Variants in PLCL1 observed in about 807,000 individuals in gnomAD.
PLCL1 encodes phospholipase C like 1 (inactive), also known as inactive phospholipase C-like protein 1.
A neutral mutation model predicts 84.4 loss-of-function variants in PLCL1; 41 were observed. The ratio of observed to expected loss-of-function variants is 0.49; its 90% CI spans 0.38 to 0.63. The LOEUF is 0.63. PLCL1 is among the 30% of genes least tolerant of loss of function. The probability of loss-of-function intolerance (pLI) is 0.00; values close to 1 mark genes in which losing one functional copy is unlikely to be tolerated. For missense variants in PLCL1, 1,206 were observed against 1,367.8 expected (o/e 0.88, Z 1.87); for synonymous variants, 490 against 488.3 (o/e 1.00, Z -0.05).
intron 1 of PLCL1, among the ~76,000 whole-genome samples, chr2:197,906,543 TGG>T (rs1688385874): frequency 6.6e-6 from 1 of 152,114 alleles, no homozygotes; most frequent in Non-Finnish European, 1.5e-5. Context: ...TTGGCTATAC[TGG>T]CTCTTCTTTG....
chr2:198,033,384 C>T (rs556393976), intron 1 of PLCL1, among the ~76,000 whole-genome samples: 4 of 152,242 alleles, frequency 2.6e-5, no homozygotes, highest in Non-Finnish European at 4.4e-5. Flanking sequence ...TGGAGGGAAC[C>T]CAGACAGCAA....
chr2:198,085,288 A>G lies in PLCL1; in HGVS notation c.1771A>G (p.Ile591Val), dbSNP rs1231020014. 15 of 1,613,788 alleles carry G rather than the reference A, an allele frequency of 9.3e-6. No individual in the cohort carries two copies. The highest frequency in any genetic ancestry group is 1.7e-5 in the Admixed American group (1 of 59,994). ...TAGGGAGCTCTCTGATTTGGTGTCT[A>G]TTTGTAAATCTGTTCAATACAGGGA... Reference protein sequence around the residue: ...LCRELSDLVSICKSVQYRDFE... With the variant: ...LCRELSDLVSVCKSVQYRDFE... The change falls in exon 2 of 6, where the codon ATT (isoleucine) becomes GTT (valine). Residue 591 changes from isoleucine to valine, a missense_variant. Physicochemically the swap from Ile to Val is conservative, Grantham distance 29. Coordinates refer to ENST00000428675, the MANE Select transcript of PLCL1 (RefSeq NM_006226.4). This position sits in a 1 kb window ranked among gnomAD's most constrained non-coding sequence, Gnocchi z 5.3.
chr2:198,073,907 G>GT (rs1692519596), intron 1 of PLCL1, among the ~76,000 whole-genome samples: 1 of 152,104 alleles, frequency 6.6e-6, no homozygotes, highest in Non-Finnish European at 1.5e-5. Context: ...ATAGAATTAG[G>GT]TTTTTTAAAA....
chr2:198,087,239 A>C (rs1380212223), intron 2 of PLCL1, among the ~76,000 whole-genome samples: 1 of 152,164 alleles, frequency 6.6e-6, no homozygotes, highest in Non-Finnish European at 1.5e-5. Context: ...ACTTATCGCA[A>C]AATTATTATT....
Position 198,040,855 on chromosome 2 carries a change from A to G in PLCL1, c.241-42903A>G, listed in dbSNP as rs147020814. Among the ~76,000 whole-genome samples the G allele has an allele frequency of 4.6e-5, 7 of 152,326 alleles. 1 individual carries two copies. The highest frequency in any genetic ancestry group is 2.1e-4 in the South Asian group (1 of 4,822). On this transcript the variant is annotated intron_variant, in intron 1 of 5. Coordinates refer to ENST00000428675, the MANE Select transcript of PLCL1 (RefSeq NM_006226.4). ...CATGTAGAAACTGATAGATGAAACA[A>G]TACATTTACCCAAATATGTGAACCA...
At chr2:197,819,884 A>AG (rs1690780330) in intron 1 of PLCL1, among the ~76,000 whole-genome samples, 1 of 140,572 alleles carries the variant, frequency 7.1e-6, no homozygotes, top group African/African-American at 2.6e-5. Flanking sequence ...ACTATTATGC[A>AG]TGTGTGTGTG....
chr2:197,895,706 C>T lies in PLCL1; in HGVS notation c.240+90367C>T, dbSNP rs1688121589. On this transcript the variant is annotated intron_variant, in intron 1 of 5. Coordinates refer to ENST00000428675, the MANE Select transcript of PLCL1 (RefSeq NM_006226.4). ...TAAGTTGGATCTTGCCATACTAGGGCCATTTGTGTTTATTAGAAGCAAAAT... is the reference window on the plus strand; with the variant it reads ...TAAGTTGGATCTTGCCATACTAGGGTCATTTGTGTTTATTAGAAGCAAAAT... Among the ~76,000 whole-genome samples, 4 of 151,786 alleles carry T rather than the reference C, an allele frequency of 2.6e-5. 1 individual carries two copies. In the South Asian group the frequency reaches 8.3e-4, roughly 31 times the overall value.
At chr2:197,907,022 G>A (rs1688398046) in intron 1 of PLCL1, among the ~76,000 whole-genome samples, 1 of 152,074 alleles carries the variant, frequency 6.6e-6, no homozygotes, top group Non-Finnish European at 1.5e-5. Context: ...GAGACAGAGA[G>A]ACATGGAACA....
intron 1 of PLCL1, among the ~76,000 whole-genome samples, chr2:198,024,636 G>A (rs957650347): frequency 2.6e-5 from 4 of 152,032 alleles, no homozygotes; most frequent in Non-Finnish European, 5.9e-5. Flanking sequence ...GGTGACACAT[G>A]CCTGTGATCC....
intron 2 of PLCL1, among the ~76,000 whole-genome samples, chr2:198,087,887 C>A (rs998247808): frequency 1.3e-5 from 2 of 152,134 alleles, no homozygotes; most frequent in African/African-American, 4.8e-5. Flanking sequence ...TTTCCATTAT[C>A]ATTCATGTGC....
chr2:198,040,236 T>G (rs554089962), intron 1 of PLCL1, among the ~76,000 whole-genome samples: 1 of 152,094 alleles, frequency 6.6e-6, no homozygotes, highest in African/African-American at 2.4e-5. Context: ...AGGACAAGAT[T>G]TTCATCCCGT....
intron 1 of PLCL1, among the ~76,000 whole-genome samples, chr2:197,856,458 G>T (rs1471699271): frequency 6.6e-6 from 1 of 151,890 alleles, no homozygotes; most frequent in Non-Finnish European, 1.5e-5. Context: ...CTTACCAAAA[G>T]GTACCTATGC....
At position 197,859,541 on chromosome 2, in the gene PLCL1, C is replaced by A. The variant is rs536602467; in HGVS notation, c.240+54202C>A. The stretch of plus-strand genomic sequence containing the variant: ...ATATATACAGTGATGCACCACATAA[C>A]AAAATTTGGCCAACTATGGACCACA... On this transcript the variant is annotated intron_variant, in intron 1 of 5. Coordinates refer to ENST00000428675, the MANE Select transcript of PLCL1 (RefSeq NM_006226.4). 3.7e-4 allele frequency among the ~76,000 whole-genome samples: 56 copies of A among 152,188 alleles called. 1 individual carries two copies. In the South Asian group the frequency reaches 0.011, roughly 31 times the overall value.
intron 1 of PLCL1, among the ~76,000 whole-genome samples, chr2:198,056,084 C>T (rs1451782977): frequency 6.6e-6 from 1 of 152,054 alleles, no homozygotes; most frequent in Admixed American, 6.5e-5. Context: ...CACTAAGATG[C>T]CTGTGTTTCA....
chr2:198,061,598 CATT>C (rs34942811), intron 1 of PLCL1, among the ~76,000 whole-genome samples: 2 of 150,802 alleles, frequency 1.3e-5, no homozygotes, highest in East Asian at 2.0e-4. Flanking sequence ...AATGTATCGT[CATT>C]ATTATTATTA....
intron 1 of PLCL1, among the ~76,000 whole-genome samples, chr2:197,824,713 C>CA (rs1163183876): frequency 0.11 from 6,263 of 54,788 alleles, 219 homozygotes; most frequent in African/African-American, 0.13. Flanking sequence ...GACCCTGTCT[C>CA]AAAAAAAAAA....
chr2:197,822,446 G>A (rs929596114), intron 1 of PLCL1, among the ~76,000 whole-genome samples: 1 of 152,120 alleles, frequency 6.6e-6, no homozygotes, highest in African/African-American at 2.4e-5. Flanking sequence ...GACAGCTCTT[G>A]ACATATTTGA....
intron 1 of PLCL1, among the ~76,000 whole-genome samples, chr2:198,022,571 T>C (rs1691163614): frequency 1.3e-5 from 2 of 152,066 alleles, no homozygotes; most frequent in Non-Finnish European, 2.9e-5. Flanking sequence ...AAAATCAATA[T>C]GCAAAAATCA....
At chr2:198,138,160 G>C (rs934157972) in intron 5 of PLCL1, among the ~76,000 whole-genome samples, 1 of 152,156 alleles carries the variant, frequency 6.6e-6, no homozygotes, top group African/African-American at 2.4e-5. Flanking sequence ...AATTTATAAA[G>C]AAAAGAGGTT....
Sources: allele counts gnomAD v4.1 joint callset (sites outside exome capture counted in the v4.1 genomes callset), GRCh38; gene constraint gnomAD v4.1.1; non-coding constraint Gnocchi (gnomAD v3.1); transcripts MANE v1.5; gene names NCBI Gene and HGNC (gene_info 2026-07-23, HGNC 2026-07-21).